Variants in KSR2 observed in about 807,000 individuals in gnomAD.
KSR2 encodes kinase suppressor of ras 2.
A neutral mutation model predicts 107.8 loss-of-function variants in KSR2; 25 were observed. That is an observed-to-expected ratio of 0.23 (90% CI 0.17 to 0.32). The LOEUF (loss-of-function observed/expected upper bound fraction) is 0.32, where lower values mean the gene tolerates loss of function less well. Among genes scored for constraint, KSR2 ranks in the 10% least tolerant of loss-of-function variants. KSR2 has a pLI of 1.00. For missense variants in KSR2, 887 were observed against 1,268.9 expected (o/e 0.70, Z 4.57); for synonymous variants, 480 against 507.0 (o/e 0.95, Z 0.71).
chr12:117,583,067 T>C (rs777625444), intron 5 of KSR2, among the ~76,000 whole-genome samples: 1 of 152,218 alleles, frequency 6.6e-6, no homozygotes, highest in Non-Finnish European at 1.5e-5. Flanking sequence ...TGTCTAAACA[T>C]GTACCACCTA....
intron 4 of KSR2, among the ~76,000 whole-genome samples, chr12:117,699,607 A>C (rs1886218223): frequency 6.6e-6 from 1 of 152,184 alleles, no homozygotes. Flanking sequence ...GTACAGGCAA[A>C]ATACGCTATA....
At chr12:117,654,116 A>T (rs972914963) in intron 5 of KSR2, among the ~76,000 whole-genome samples, 25 of 152,188 alleles carry the variant, frequency 1.6e-4, no homozygotes, top group African/African-American at 5.8e-4. Context: ...GAAACTGTAC[A>T]TTTGGCTATG....
chr12:117,896,080 A>G (rs568717278), intron 1 of KSR2, among the ~76,000 whole-genome samples: 26 of 152,228 alleles, frequency 1.7e-4, no homozygotes, highest in African/African-American at 6.3e-4. Flanking sequence ...GTGAATGTTC[A>G]TAGTAGCACT....
chr12:117,942,323 C>T (rs966437164), intron 1 of KSR2, among the ~76,000 whole-genome samples: 2 of 152,104 alleles, frequency 1.3e-5, no homozygotes, highest in African/African-American at 4.8e-5. Flanking sequence ...AACACTCGAT[C>T]TTATTCCTTC....
chr12:117,508,124 AGG>A (rs1414844007), intron 14 of KSR2, among the ~76,000 whole-genome samples: 2 of 152,174 alleles, frequency 1.3e-5, no homozygotes, highest in African/African-American at 4.8e-5. Flanking sequence ...TTTTCCTTTG[AGG>A]GGGAGTCTGT....
intron 7 of KSR2, among the ~76,000 whole-genome samples, chr12:117,559,580 C>T (rs536955253): frequency 2.0e-5 from 3 of 152,128 alleles, no homozygotes; most frequent in Non-Finnish European, 2.9e-5. Context: ...TTTCTTAAAG[C>T]CTCACGCTGT....
At chr12:117,713,990 C>A (rs1160436897) in intron 4 of KSR2, among the ~76,000 whole-genome samples, 1 of 152,034 alleles carries the variant, frequency 6.6e-6, no homozygotes, top group Non-Finnish European at 1.5e-5. Flanking sequence ...AATTATATTT[C>A]ATCCTTTTCT....
Position 117,907,811 on chromosome 12 carries a change from T to C in KSR2, c.181-47380A>G, listed in dbSNP as rs2137417689. Among the ~76,000 whole-genome samples the C allele has an allele frequency of 6.6e-6, 1 of 152,142 alleles. No individual in the cohort carries two copies. The highest frequency in any genetic ancestry group is 1.9e-4 in the East Asian group (1 of 5,178). The stretch of plus-strand genomic sequence containing the variant: ...TCTTTTTTCTTCCTATAAAGCTATA[T>C]AATATGAGCTTCATAATCATCTTTT... On this transcript the variant is annotated intron_variant, in intron 1 of 19. Coordinates refer to ENST00000339824, the MANE Select transcript of KSR2 (RefSeq NM_173598.6). This position sits in a 1 kb window ranked among gnomAD's most constrained non-coding sequence, Gnocchi z 4.3.
chr12:117,753,578 C>T (rs565733576), intron 4 of KSR2, among the ~76,000 whole-genome samples: 1 of 152,086 alleles, frequency 6.6e-6, no homozygotes, highest in African/African-American at 2.4e-5. Flanking sequence ...AACCAAATAC[C>T]GCATGTTCTC....
intron 1 of KSR2, among the ~76,000 whole-genome samples, chr12:117,906,479 G>A (rs60754454): frequency 0.14 from 21,957 of 151,544 alleles, 1,725 homozygotes; most frequent in East Asian, 0.2. Flanking sequence ...GGTGGTACGC[G>A]CCTGTAGTTC....
At chr12:117,652,170 G>A (rs182589321) in intron 5 of KSR2, among the ~76,000 whole-genome samples, 1 of 152,262 alleles carries the variant, frequency 6.6e-6, no homozygotes, top group Admixed American at 6.5e-5. Context: ...CAGTGTGGGA[G>A]GGGGGCGAGG....
At chr12:117,948,312 A>AC (rs1896260201) in intron 1 of KSR2, among the ~76,000 whole-genome samples, 2 of 151,860 alleles carry the variant, frequency 1.3e-5, no homozygotes. Context: ...ACATAGTGAA[A>AC]CCCCCTCTCT....
At chr12:117,883,457 G>T (rs1894086460) in intron 1 of KSR2, among the ~76,000 whole-genome samples, 1 of 152,150 alleles carries the variant, frequency 6.6e-6, no homozygotes, top group South Asian at 2.1e-4. Context: ...GATAGGCTTG[G>T]TCCCTGCCCC....
chr12:117,774,262 A>C (rs1028324895), intron 3 of KSR2, among the ~76,000 whole-genome samples: 1 of 152,200 alleles, frequency 6.6e-6, no homozygotes, highest in South Asian at 2.1e-4. Flanking sequence ...AAATCCAGGA[A>C]AATTTTTTGA....
chr12:117,805,376 A>G (rs1002069589), intron 3 of KSR2, among the ~76,000 whole-genome samples: 4 of 152,190 alleles, frequency 2.6e-5, no homozygotes, highest in Admixed American at 2.6e-4. Flanking sequence ...GAAATTAAGA[A>G]CACAGATTCT....
At position 117,670,335 on chromosome 12, in the gene KSR2, C is replaced by T. The variant is rs375338319; in HGVS notation, c.987-2677G>A. On this transcript the variant is annotated intron_variant, in intron 4 of 19. Transcript: ENST00000339824. ...CTTTTCATGTATGACCTCACTTAAG[C>T]GCCATGGTAACCTTAGGTGGGAGAT... is the stretch of plus-strand genomic sequence containing the variant. Among the ~76,000 whole-genome samples, 11 of 152,302 alleles carry T rather than the reference C, an allele frequency of 7.2e-5. No individual in the cohort carries two copies. The South Asian group carries it at 8.3e-4, about 11-fold the overall frequency.
intron 1 of KSR2, among the ~76,000 whole-genome samples, chr12:117,914,417 A>G (rs1360984925): frequency 7.3e-6 from 1 of 137,590 alleles, no homozygotes; most frequent in Non-Finnish European, 1.5e-5. Flanking sequence ...CGACAGAGTG[A>G]GACTGTCTCA....
intron 1 of KSR2, among the ~76,000 whole-genome samples, chr12:117,900,407 A>G (rs1320684427): frequency 1.3e-5 from 2 of 152,252 alleles, no homozygotes; most frequent in Non-Finnish European, 2.9e-5. Context: ...TGCTGTGGTC[A>G]GTCTTTAGCA....
rs565717303 is a variant in KSR2, at chr12:117,684,865, A to G, written c.987-17207T>C. On this transcript the variant is annotated intron_variant, in intron 4 of 19. Transcript: ENST00000339824. ...GTGATGGCAGTTCTGGCGGATTTCAAAGCTAGTTCCTCATCACTCTATTAA... is the reference window on the plus strand; with the variant it reads ...GTGATGGCAGTTCTGGCGGATTTCAGAGCTAGTTCCTCATCACTCTATTAA... Among the ~76,000 whole-genome samples, 18 of 152,316 alleles carry G rather than the reference A, an allele frequency of 1.2e-4. No individual in the cohort carries two copies. In the East Asian group the frequency reaches 2.1e-3, roughly 18 times the overall value.
Sources: allele counts gnomAD v4.1 joint callset (sites outside exome capture counted in the v4.1 genomes callset), GRCh38; gene constraint gnomAD v4.1.1; non-coding constraint Gnocchi (gnomAD v3.1); transcripts MANE v1.5; gene names NCBI Gene and HGNC (gene_info 2026-07-23, HGNC 2026-07-21).